The following ZFAT variants were observed in gnomAD, a reference collection of about 807,000 sequenced individuals.
The protein encoded by ZFAT is zinc finger and AT-hook domain containing.
Under a neutral mutation model 117.7 loss-of-function variants are expected in ZFAT, and 64 were observed. That is an observed-to-expected ratio of 0.54 (90% CI 0.44 to 0.67). ZFAT has a LOEUF of 0.67. ZFAT is among the 30% of genes least tolerant of loss of function. ZFAT has a pLI of 0.00. For missense variants in ZFAT, 1,433 were observed against 1,584.5 expected (o/e 0.90, Z 1.62); for synonymous variants, 679 against 615.0 (o/e 1.10, Z -1.54).
rs567125856 is a variant in ZFAT at position 134,592,336 on chromosome 8, C to A, written c.2476-1981G>T. ...CTTTACATTACCATATCCTATGAGG[C>A]CTTTAGAAACTTGCCCAAGGTTCAC... On this transcript the variant is annotated intron_variant, in intron 7 of 15. Coordinates refer to ENST00000377838, the MANE Select transcript of ZFAT (RefSeq NM_020863.4). Among the ~76,000 whole-genome samples the A allele has an allele frequency of 1.1e-4, 17 of 152,310 alleles. No individual in the cohort carries two copies. The South Asian group carries it at 1.9e-3, about 17-fold the overall frequency.
At position 134,660,195 on chromosome 8, in the gene ZFAT, C is replaced by T. The variant is rs556764449; in HGVS notation, c.20-2458G>A. Among the ~76,000 whole-genome samples the T allele has an allele frequency of 3.9e-5, 6 of 152,252 alleles. No individual in the cohort carries two copies. The South Asian group carries it at 1.2e-3, about 32-fold the overall frequency. Reference sequence around the variant, plus strand: ...TAATCCCCAGTCCAAAGGTAGGAAACTGAGGCCGAGAGAGGAAAAGCAACT... The same window carrying T: ...TAATCCCCAGTCCAAAGGTAGGAAATTGAGGCCGAGAGAGGAAAAGCAACT... On this transcript the variant is annotated intron_variant, in intron 1 of 15. Transcript: ENST00000377838.
the ZFAT span, among the ~76,000 whole-genome samples, chr8:134,772,872 G>A: frequency 6.6e-6 from 1 of 151,998 alleles, no homozygotes; most frequent in African/African-American, 2.4e-5. Flanking sequence ...ACCAGCCTGT[G>A]TGAGACCTCA....
the ZFAT span, among the ~76,000 whole-genome samples, chr8:134,800,349 A>G: frequency 1.3e-4 from 20 of 152,280 alleles, no homozygotes; most frequent in Non-Finnish European, 2.5e-4. Flanking sequence ...TTTCTCTGCA[A>G]ACATATTCAA....
the ZFAT span, among the ~76,000 whole-genome samples, chr8:134,781,901 G>T: frequency 6.6e-6 from 1 of 152,214 alleles, no homozygotes; most frequent in Admixed American, 6.5e-5. Flanking sequence ...TTAAAGAATA[G>T]AGTATATAAT....
chr8:134,779,094 T>A, the ZFAT span, among the ~76,000 whole-genome samples: 3 of 152,192 alleles, frequency 2.0e-5, no homozygotes, highest in South Asian at 4.1e-4. Context: ...CTGGCTTAGA[T>A]AATTAAGTGT....
chr8:134,784,175 A>G, the ZFAT span: 1 of 152,216 alleles, frequency 6.6e-6, no homozygotes, highest in Non-Finnish European at 1.5e-5. Context: ...TCAACACGCC[A>G]GATCTATTAA....
the ZFAT span, chr8:134,767,020 C>T: frequency 6.6e-6 from 1 of 152,198 alleles, no homozygotes; most frequent in African/African-American, 2.4e-5. Flanking sequence ...CTCTCCTCAT[C>T]CCCAAACAAT....
chr8:134,756,329 C>T, the ZFAT span, among the ~76,000 whole-genome samples: 7 of 152,214 alleles, frequency 4.6e-5, no homozygotes, highest in Non-Finnish European at 8.8e-5. Context: ...CGTGCAGAGG[C>T]AGGGCAAGGT....
the ZFAT span, among the ~76,000 whole-genome samples, chr8:134,734,183 TC>T: frequency 6.6e-6 from 1 of 152,152 alleles, no homozygotes; most frequent in Admixed American, 6.5e-5. Flanking sequence ...CAGGCTGCTC[TC>T]CCCCACTTCA....
intron 1 of ZFAT, among the ~76,000 whole-genome samples, chr8:134,706,922 G>A (rs1834167964): frequency 6.6e-6 from 1 of 151,302 alleles, no homozygotes; most frequent in Non-Finnish European, 1.5e-5. Context: ...TCTCCTGGCA[G>A]CTGCCAGAGA....
intron 11 of ZFAT, among the ~76,000 whole-genome samples, chr8:134,541,209 T>A (rs913375940): frequency 9.9e-5 from 15 of 152,176 alleles, no homozygotes; most frequent in Non-Finnish European, 1.5e-5. Flanking sequence ...TATTGAGAGT[T>A]TGGGCATTTA....
chr8:134,653,974 A>T (rs1369269409), intron 2 of ZFAT, among the ~76,000 whole-genome samples: 2 of 152,196 alleles, frequency 1.3e-5, no homozygotes, highest in Non-Finnish European at 2.9e-5. Flanking sequence ...TGCTTTCCCC[A>T]TATTATATTG....
intron 10 of ZFAT, among the ~76,000 whole-genome samples, chr8:134,580,054 G>A (rs1167844889): frequency 6.6e-6 from 1 of 152,032 alleles, no homozygotes; most frequent in South Asian, 2.1e-4. Flanking sequence ...GGATGCCGAG[G>A]CAGGGCAGCC....
intron 10 of ZFAT, among the ~76,000 whole-genome samples, chr8:134,576,354 A>G (rs1262723589): frequency 6.6e-6 from 1 of 152,170 alleles, no homozygotes; most frequent in Non-Finnish European, 1.5e-5. Context: ...CCCTGAAATT[A>G]GCCCTGCCTT....
At chr8:134,806,425 T>C in the ZFAT span, among the ~76,000 whole-genome samples, 7 of 152,216 alleles carry the variant, frequency 4.6e-5, no homozygotes, top group African/African-American at 1.7e-4. Flanking sequence ...TTTTAAAAAG[T>C]CCAGTGGCTA....
the ZFAT span, among the ~76,000 whole-genome samples, chr8:134,817,750 G>A: frequency 4.0e-5 from 6 of 151,796 alleles, no homozygotes; most frequent in Non-Finnish European, 7.4e-5. Context: ...AAATAACTTT[G>A]AAAAAAAGAA....
chr8:134,623,529 C>CA (rs747689782), intron 3 of ZFAT, among the ~76,000 whole-genome samples: 5 of 152,192 alleles, frequency 3.3e-5, no homozygotes, highest in Non-Finnish European at 7.4e-5. Context: ...TCAAGGTTGG[C>CA]AGGGATGCCA....
chr8:134,629,169 A>G (rs1377904332), intron 3 of ZFAT, among the ~76,000 whole-genome samples: 4 of 152,288 alleles, frequency 2.6e-5, no homozygotes, highest in Non-Finnish European at 1.5e-5. Context: ...TTCTGGCTGA[A>G]TGGTGGGGGC....
intron 3 of ZFAT, among the ~76,000 whole-genome samples, chr8:134,614,558 C>G (rs1312752878): frequency 6.6e-6 from 1 of 152,208 alleles, no homozygotes; most frequent in Non-Finnish European, 1.5e-5. Context: ...CATGCCTTAT[C>G]CATATTGTGA....
Sources: allele counts gnomAD v4.1 joint callset (sites outside exome capture counted in the v4.1 genomes callset), GRCh38; gene constraint gnomAD v4.1.1; transcripts MANE v1.5; gene names NCBI Gene and HGNC (gene_info 2026-07-23, HGNC 2026-07-21).